Variants in MTSS2 observed in about 807,000 individuals in gnomAD.
MTSS2 encodes MTSS I-BAR domain containing 2, also known as protein MTSS 2.
Under a neutral mutation model 67.1 loss-of-function variants are expected in MTSS2, and 27 were observed. That is an observed-to-expected ratio of 0.40 (90% CI 0.30 to 0.55). The LOEUF (loss-of-function observed/expected upper bound fraction) is 0.55. Ranked by LOEUF, MTSS2 falls within the 20% of genes least tolerant of loss-of-function variation. MTSS2 has a pLI of 0.43. For synonymous variants in MTSS2, 624 were observed against 468.6 expected, an observed-to-expected ratio of 1.33 and a Z score of -4.28; for missense variants, 1,171 against 1,067.8, an observed-to-expected ratio of 1.10 and a Z score of -1.35.
Position 70,685,715 on chromosome 16 carries a change from C to A in MTSS2, c.69+8G>T, listed in dbSNP as rs1431886808. 4 of 1,337,048 alleles carry A rather than the reference C, an allele frequency of 3.0e-6. No homozygotes were observed. Among genetic ancestry groups the A allele is most frequent in the South Asian group, 1.6e-5 (1 of 64,256 alleles). The allele number at this position is 1,337,048 out of a possible 1,614,324, so 82.8% of individuals were successfully genotyped here. A position where few individuals can be genotyped will look rare whatever the true frequency, so the allele number is the denominator to read the frequency against. On this transcript the variant is annotated splice_region_variant and intron_variant, in intron 1 of 14. Transcript: ENST00000338779. ...GCCGCGCGCCCGGCCCCGCCGCGCCCCGGTTACCTTCATGTCGTTGACTAT... is the reference window on the plus strand; with the variant it reads ...GCCGCGCGCCCGGCCCCGCCGCGCCACGGTTACCTTCATGTCGTTGACTAT...
At chr16:70,679,270 G>A in intron 7 of MTSS2, 45 bp downstream of exon 7, 2 of 1,611,370 alleles carry the variant, frequency 1.2e-6, no homozygotes, top group Non-Finnish European at 8.5e-7. Context: ...AGACAAATGC[G>A]ACAAGGACGG....
chr16:70,677,942 C>T, intron 8 of MTSS2, 43 bp from the exon 9 acceptor site: 2 of 1,420,984 alleles, frequency 1.4e-6, no homozygotes. Flanking sequence ...TATCGCCCAC[C>T]TGCCCGCCTG....
chr16:70,678,281 T>C lies in MTSS2; in HGVS notation c.595A>G (p.Thr199Ala). 6.2e-7 allele frequency: 1 copy of C among 1,611,414 alleles called. No homozygotes were observed. The highest frequency in any genetic ancestry group is 8.5e-7 in the Non-Finnish European group (1 of 1,179,678). The change falls in exon 8 of 15, where the codon ACC (threonine) becomes GCC (alanine). Residue 199 changes from threonine to alanine, a missense_variant. By Grantham distance (58) the Thr-to-Ala change is moderately conservative (BLOSUM62 0). Coordinates refer to ENST00000338779, the MANE Select transcript of MTSS2 (RefSeq NM_138383.3). ...ACAGGCTGCAGGAAGGTGATGAAGG[T>C]GCAGAAGCGGCCCCGCTCCTCGATC... The part of the protein sequence containing the change: ...ALIEERGRFC[T>A]FITFLQPVVN...
chr16:70,670,417 T>C (rs951855938), intron 11 of MTSS2, among the ~76,000 whole-genome samples: 10 of 152,236 alleles, frequency 6.6e-5, no homozygotes, highest in Non-Finnish European at 1.5e-5. Context: ...ATTCTGCTCC[T>C]AGGAATGTGC....
Position 70,663,724 on chromosome 16 carries a change from G to T in MTSS2, c.2197C>A (p.Leu733Ile). The T allele has an allele frequency of 6.3e-7, 1 of 1,583,644 alleles. No individual in the cohort carries two copies. Among genetic ancestry groups the T allele is most frequent in the Non-Finnish European group, 8.6e-7 (1 of 1,166,978 alleles). Residue 733 changes from leucine (L) to isoleucine (I), a missense_variant, in exon 15 of 15, where the codon CTC (leucine) becomes ATC (isoleucine). By Grantham distance (5) the Leu-to-Ile change is conservative (BLOSUM62 2). Transcript: ENST00000338779. ...CTGTCGTTGGTGACGGTCCTGCGGA[G>T]CCGGACCCCACGCCGGATGGCCACC... is the stretch of plus-strand genomic sequence containing the variant. ...MLVAIRRGVR[L>I]RRTVTNDRSA... is the part of the protein sequence containing the mutation.
chr16:70,676,056 T>C (rs1373912399), intron 10 of MTSS2, among the ~76,000 whole-genome samples: 1 of 152,178 alleles, frequency 6.6e-6, no homozygotes, highest in Non-Finnish European at 1.5e-5. Context: ...CTCTCTGAGG[T>C]AGTAGCTGAT....
At chr16:70,685,526 C>A (rs1407241352) in intron 1 of MTSS2, among the ~76,000 whole-genome samples, 197 bp downstream of exon 1, 1 of 151,956 alleles carries the variant, frequency 6.6e-6, no homozygotes, top group Non-Finnish European at 1.5e-5. Context: ...ACGGACACCC[C>A]GACACACGAG....
At position 70,664,446 on chromosome 16, in the gene MTSS2, G is replaced by T; in HGVS notation, c.1475C>A (p.Ser492Tyr). The change falls in exon 15 of 15, where the codon TCC becomes TAC. Residue 492 changes from serine to tyrosine, a missense_variant. Ser to Tyr is a moderately radical substitution (Grantham distance 144). Around this residue, in one of 2 missense-constraint regions of MTSS2, gnomAD observed 924 missense variants for 756.0 expected, o/e 1.22. Transcript: ENST00000338779. ...ATTCACGGAGTAGCAGTCGTAGTCGGAGCCTGGGGGCACGGGACACAGTGA... is the reference window on the plus strand; with the variant it reads ...ATTCACGGAGTAGCAGTCGTAGTCGTAGCCTGGGGGCACGGGACACAGTGA... ...CSEDTIPSQG[S>Y]DYDCYSVNGD... 2 of 1,535,954 alleles carry T rather than the reference G, an allele frequency of 1.3e-6. No homozygotes were observed. Among genetic ancestry groups the T allele is most frequent in the Admixed American group, 2.0e-5 (1 of 49,208 alleles).
intron 11 of MTSS2, among the ~76,000 whole-genome samples, chr16:70,666,651 GA>G (rs1207438794): frequency 6.6e-6 from 1 of 152,202 alleles, no homozygotes; most frequent in Non-Finnish European, 1.5e-5. Flanking sequence ...AAAATAAAAG[GA>G]AACCAGGCAC....
rs375799072 is a variant in MTSS2, at chr16:70,676,889, G to A, written c.822C>T (p.Ser274=). ...ACCCCACCCCCACTGACCTGCACAT[G>A]CTGGACTTCCGGGAGCTGGAGCTGC... ...SPSSSSSRKS[S]MCSAPSSSSS... The change falls in exon 10 of 15, where the codon AGC becomes AGT. Residue 274 remains serine (S), a synonymous_variant. Transcript: ENST00000338779. 51 of 1,612,976 alleles carry A rather than the reference G, an allele frequency of 3.2e-5. No homozygotes were observed. The highest frequency in any genetic ancestry group is 4.2e-5 in the Non-Finnish European group (49 of 1,179,920).
chr16:70,676,182 A>C (rs1179619473), intron 10 of MTSS2, among the ~76,000 whole-genome samples: 1 of 152,170 alleles, frequency 6.6e-6, no homozygotes, highest in Non-Finnish European at 1.5e-5. Context: ...TGTCCTCCCC[A>C]CCCAAGGAAG....
chr16:70,664,406 G>A lies in MTSS2; in HGVS notation c.1515C>T (p.Ser505=), dbSNP rs764698485. The part of the protein sequence containing the change: ...DCYSVNGDAD[S]EGPPEFDKSS... ...ACTTGTCAAACTCGGGCGGGCCCTC[G>A]CTGTCCGCATCCCCATTCACGGAGT... The change falls in exon 15 of 15, where the codon AGC becomes AGT. Residue 505 remains serine, a synonymous_variant. Coordinates refer to ENST00000338779, the MANE Select transcript of MTSS2 (RefSeq NM_138383.3). The A allele has an allele frequency of 2.8e-5, 44 of 1,555,078 alleles. No individual in the cohort carries two copies. The South Asian group carries it at 3.0e-4, about 11-fold the overall frequency.
At chr16:70,676,741 A>G in intron 10 of MTSS2, 140 bp downstream of exon 10, 1 of 692,330 alleles carries the variant, frequency 1.4e-6, no homozygotes, top group South Asian at 1.8e-5. Context: ...TTCCCTCTAC[A>G]TATGCAAATT....
Position 70,664,465 on chromosome 16 carries a change from A to T in MTSS2, c.1472-16T>A. ...TAGTCGGAGCCTGGGGGCACGGGAC[A>T]CAGTGAGGCCCAGGGCCCAGGTGGC... On this transcript the variant is annotated splice_polypyrimidine_tract_variant and intron_variant, in intron 14 of 14. Transcript: ENST00000338779. 6.5e-7 allele frequency: 1 copy of T among 1,538,544 alleles called. No homozygotes were observed. Among genetic ancestry groups the T allele is most frequent in the Non-Finnish European group, 8.8e-7 (1 of 1,142,174 alleles).
intron 2 of MTSS2, 31 bp from the exon 3 acceptor site, chr16:70,680,898 G>A (rs764680725): frequency 2.6e-5 from 40 of 1,546,922 alleles, no homozygotes; most frequent in Middle Eastern, 3.4e-4. Flanking sequence ...ATGGATGGTC[G>A]GTGGTTGGGC....
intron 2 of MTSS2, 41 bp from the exon 3 acceptor site, chr16:70,680,908 C>CGGG (rs370016576): frequency 0.028 from 32,851 of 1,164,138 alleles, 41 homozygotes; most frequent in South Asian, 0.036. Flanking sequence ...GGTGGTTGGG[C>CGGG]GGGGGGGGGG....
intron 11 of MTSS2, chr16:70,665,881 G>A (rs1454196029): frequency 4.5e-6 from 1 of 220,624 alleles, no homozygotes; most frequent in Non-Finnish European, 9.0e-6. Flanking sequence ...GGTCTGAGCA[G>A]TTGGGTTGAT....
At chr16:70,672,951 A>G (rs2052992816) in intron 11 of MTSS2, among the ~76,000 whole-genome samples, 1 of 152,150 alleles carries the variant, frequency 6.6e-6, no homozygotes, top group African/African-American at 2.4e-5. Context: ...CCTTGAGCCC[A>G]GGAGTTCAAG....
chr16:70,672,966 G>C (rs969249582), intron 11 of MTSS2, among the ~76,000 whole-genome samples: 2 of 152,120 alleles, frequency 1.3e-5, no homozygotes, highest in Non-Finnish European at 2.9e-5. Flanking sequence ...TTCAAGACCA[G>C]CCTGGGCAAC....
Sources: gnomAD v4.1 joint callset for allele counts (sites outside exome capture counted in the v4.1 genomes callset) on GRCh38, gnomAD v4.1.1 for gene constraint, gnomAD v4.1.1 regional missense constraint, MANE v1.5 for transcripts, NCBI Gene and HGNC (gene_info 2026-07-23, HGNC 2026-07-21) for gene names.